EREG: variants seen among roughly 807,000 people sequenced by gnomAD.
EREG encodes proepiregulin.
A neutral mutation model predicts 22.4 loss-of-function variants in EREG; 23 were observed. That is an observed-to-expected ratio of 1.03 (90% CI 0.74 to 1.46). The LOEUF is 1.46. Among genes scored for constraint, EREG ranks in the 40% most tolerant of loss-of-function variants. The probability of loss-of-function intolerance (pLI) is 0.00; values close to 1 mark genes in which losing one functional copy is unlikely to be tolerated. For missense variants in EREG, 226 were observed against 205.9 expected (o/e 1.10, Z -0.60); for synonymous variants, 100 against 75.4 (o/e 1.33, Z -1.69).
rs1364802276 is a variant in EREG at position 74,381,236 on chromosome 4, T to C, written c.278+99T>C. 13 of 1,060,788 alleles carry C rather than the reference T, an allele frequency of 1.2e-5. 1 individual carries two copies. The highest frequency in any genetic ancestry group is 1.7e-5 in the Non-Finnish European group (12 of 721,894). 65.7% of individuals were successfully genotyped at this position (1,060,788 alleles called of 1,614,324 possible). A position where few individuals can be genotyped will look rare whatever the true frequency, so the allele number is the denominator to read the frequency against. On this transcript the variant is annotated intron_variant, in intron 3 of 4. Transcript: ENST00000244869. Reference sequence around the variant, plus strand: ...TGCTAGTGGATATATTCAGTAGTGGTGAAGTCTGAGCTTTTAGAGTACCTA... The same window carrying C: ...TGCTAGTGGATATATTCAGTAGTGGCGAAGTCTGAGCTTTTAGAGTACCTA...
intron 3 of EREG, chr4:74,381,820 CA>C (rs574111716): frequency 0.72 from 97,617 of 135,584 alleles, 34,700 homozygotes; most frequent in African/African-American, 0.77. Flanking sequence ...ACTAAAAATA[CA>C]AAAAAAAAAA....
At chr4:74,376,001 C>T (rs1318221338) in intron 1 of EREG, among the ~76,000 whole-genome samples, 1 of 152,106 alleles carries the variant, frequency 6.6e-6, no homozygotes, top group Non-Finnish European at 1.5e-5. Flanking sequence ...GGGAGCGTCA[C>T]GAGTAAGGAA....
chr4:74,387,474 A>G lies in EREG; in HGVS notation c.*2666A>G, dbSNP rs1560601403. The G allele has an allele frequency of 6.6e-6, 1 of 152,228 alleles. No individual in the cohort carries two copies. The highest frequency in any genetic ancestry group is 6.5e-5 in the Admixed American group (1 of 15,282). The allele number at this position is 152,228 out of a possible 1,614,324, so 9.4% of individuals were successfully genotyped here. ...AAAACAAGTCATTTTTGTATTTTTC[A>G]TCTTTAAGAATGCTTAAAAAAGCTA... On this transcript the variant is annotated 3_prime_UTR_variant, in exon 5 of 5. Coordinates refer to ENST00000244869, the MANE Select transcript of EREG (RefSeq NM_001432.3).
chr4:74,372,801 CTTTTTT>C (rs60657787), intron 1 of EREG, among the ~76,000 whole-genome samples: 5 of 71,904 alleles, frequency 7.0e-5, no homozygotes, highest in Admixed American at 2.0e-4. Context: ...TTAAATTGTA[CTTTTTT>C]TTTTTTTTTT....
At chr4:74,380,069 C>G (rs558663714) in intron 2 of EREG, among the ~76,000 whole-genome samples, 1 of 151,934 alleles carries the variant, frequency 6.6e-6, no homozygotes, top group Non-Finnish European at 1.5e-5. Context: ...GTTTTTTCCC[C>G]TCGAGGACTG....
chr4:74,381,016 C>T lies in EREG; in HGVS notation c.157C>T (p.Gln53Ter), dbSNP rs1434657069. ...ESSDNCTALV[Q>*]TEDNPRVAQV... ...TCAACTTTCCACTTCTTTTACAGTT[C>T]AGACAGAAGACAATCCACGTGTGGC... is the stretch of plus-strand genomic sequence containing the variant. Residue 53 changes from glutamine (Q) to a stop codon, truncating the protein, a stop_gained and splice_region_variant, in exon 3 of 5, where the codon CAG becomes TAG. Coordinates refer to ENST00000244869, the MANE Select transcript of EREG (RefSeq NM_001432.3). LOFTEE classifies it high-confidence loss of function. The T allele has an allele frequency of 3.1e-6, 5 of 1,612,042 alleles. No homozygotes were observed. The highest frequency in any genetic ancestry group is 1.7e-5 in the Admixed American group (1 of 59,688).
At chr4:74,368,253 T>A (rs1752224474) in intron 1 of EREG, among the ~76,000 whole-genome samples, 1 of 152,234 alleles carries the variant, frequency 6.6e-6, no homozygotes, top group Non-Finnish European at 1.5e-5. Flanking sequence ...GTGACTATTC[T>A]CTTAAGCTGT....
rs1752544787 is a variant in EREG, at chr4:74,384,874, A to C, written c.*66A>C. On this transcript the variant is annotated 3_prime_UTR_variant, in exon 5 of 5. Coordinates refer to ENST00000244869, the MANE Select transcript of EREG (RefSeq NM_001432.3). ...TGGTTAATATTAATATTCCCATTTT[A>C]TTAATAATATTTATGTTGGGTCAAG... The C allele has an allele frequency of 1.1e-6, 1 of 877,074 alleles. No homozygotes were observed. Among genetic ancestry groups the C allele is most frequent in the African/African-American group, 1.7e-5 (1 of 58,984 alleles). 54.3% of individuals were successfully genotyped at this position (877,074 alleles called of 1,614,324 possible).
At chr4:74,374,266 T>C (rs1752341468) in intron 1 of EREG, among the ~76,000 whole-genome samples, 1 of 152,240 alleles carries the variant, frequency 6.6e-6, no homozygotes, top group Admixed American at 6.5e-5. Flanking sequence ...GAATAGTCAT[T>C]TTACCCTAAG....
intron 1 of EREG, among the ~76,000 whole-genome samples, chr4:74,375,485 A>ATTT (rs34399498): frequency 2.3e-4 from 31 of 133,158 alleles, no homozygotes; most frequent in African/African-American, 7.8e-4. Context: ...TGCCTGGCTA[A>ATTT]TTTTTTTTTT....
chr4:74,371,846 C>A (rs868683897), intron 1 of EREG, among the ~76,000 whole-genome samples: 82 of 151,210 alleles, frequency 5.4e-4, no homozygotes, highest in African/African-American at 1.9e-3. Flanking sequence ...TTTTTAATGG[C>A]AGCATTCTCT....
intron 4 of EREG, among the ~76,000 whole-genome samples, chr4:74,383,602 T>A (rs1486370962): frequency 6.6e-6 from 1 of 152,178 alleles, no homozygotes; most frequent in African/African-American, 2.4e-5. Flanking sequence ...AATTAATTAA[T>A]AACAGTTCCC....
rs553185210 is a variant in EREG, at chr4:74,368,762, A to G, written c.67+3387A>G. Reference sequence around the variant, plus strand: ...ATCTTTACTTTGAGTGTAGGCCTGTACAAATCGTCTAATTAATATGGCTGT... The same window carrying G: ...ATCTTTACTTTGAGTGTAGGCCTGTGCAAATCGTCTAATTAATATGGCTGT... On this transcript the variant is annotated intron_variant, in intron 1 of 4. Transcript: ENST00000244869. 2.0e-4 allele frequency among the ~76,000 whole-genome samples: 31 copies of G among 152,314 alleles called. 1 individual carries two copies. In the South Asian group the frequency reaches 6.4e-3, roughly 32 times the overall value.
Position 74,384,874 on chromosome 4 carries a change from A to G in EREG, c.*66A>G. On this transcript the variant is annotated 3_prime_UTR_variant, in exon 5 of 5. Coordinates refer to ENST00000244869, the MANE Select transcript of EREG (RefSeq NM_001432.3). ...TGGTTAATATTAATATTCCCATTTT[A>G]TTAATAATATTTATGTTGGGTCAAG... 1.1e-6 allele frequency: 1 copy of G among 877,192 alleles called. No homozygotes were observed. The highest frequency in any genetic ancestry group is 1.8e-6 in the Non-Finnish European group (1 of 540,666). 54.3% of individuals were successfully genotyped at this position (877,192 alleles called of 1,614,324 possible).
chr4:74,374,154 A>G (rs1752340397), intron 1 of EREG, among the ~76,000 whole-genome samples: 1 of 152,246 alleles, frequency 6.6e-6, no homozygotes, highest in South Asian at 2.1e-4. Context: ...TCTGGTCTAA[A>G]TAGCCTAAAA....
intron 1 of EREG, among the ~76,000 whole-genome samples, chr4:74,366,182 T>A (rs1752178471): frequency 6.6e-6 from 1 of 152,174 alleles, no homozygotes; most frequent in Non-Finnish European, 1.5e-5. Context: ...AAAAAAAAAT[T>A]ACTTCTTTCC....
At chr4:74,384,691 T>C (rs747064159) in intron 4 of EREG, 36 bp from the exon 5 acceptor site, 4 of 1,212,546 alleles carry the variant, frequency 3.3e-6, no homozygotes, top group Non-Finnish European at 4.9e-6. Flanking sequence ...TGCTATTAAC[T>C]GCAGTGCTAA....
Position 74,381,128 on chromosome 4 carries a change from A to G in EREG, c.269A>G (p.Asn90Ser). Residue 90 changes from asparagine to serine, a missense_variant, in exon 3 of 5, where the codon AAC becomes AGC. Asn to Ser is a conservative substitution (Grantham distance 46). Transcript: ENST00000244869. ...ATCTATCTGGTGGACATGAGTCAAA[A>G]CTACTGCAGGTAATATGTCAGAAAT... ...QCIYLVDMSQNYCRCEVGYTG... is the reference protein window; with the variant it reads ...QCIYLVDMSQSYCRCEVGYTG... 1 of 1,611,376 alleles carries G rather than the reference A, an allele frequency of 6.2e-7. No individual in the cohort carries two copies. The highest frequency in any genetic ancestry group is 1.1e-5 in the South Asian group (1 of 90,160).
At chr4:74,373,070 C>A (rs1752319784) in intron 1 of EREG, among the ~76,000 whole-genome samples, 1 of 150,228 alleles carries the variant, frequency 6.7e-6, no homozygotes, top group South Asian at 2.1e-4. Context: ...CAGCCTCAGC[C>A]TCCCAAAGTG....
Sources: gnomAD v4.1 joint callset for allele counts (sites outside exome capture counted in the v4.1 genomes callset) on GRCh38, gnomAD v4.1.1 for gene constraint, MANE v1.5 for transcripts, NCBI Gene and HGNC (gene_info 2026-07-23, HGNC 2026-07-21) for gene names.